Variants in KIF26B observed in about 807,000 individuals in gnomAD.
The protein encoded by KIF26B is kinesin family member 26B.
Under a neutral mutation model 151.2 loss-of-function variants are expected in KIF26B, and 63 were observed. That is an observed-to-expected ratio of 0.42 (90% CI 0.34 to 0.51). KIF26B has a LOEUF of 0.51. Among genes scored for constraint, KIF26B ranks in the 20% least tolerant of loss-of-function variants. The pLI is 0.07. For synonymous variants in KIF26B, 1,357 were observed against 1,262.1 expected, an observed-to-expected ratio of 1.08 and a Z score of -1.59; for missense variants, 2,813 against 2,913.6, an observed-to-expected ratio of 0.97 and a Z score of 0.79.
chr1:245,187,680 G>A lies in KIF26B; in HGVS notation c.465+30997G>A, dbSNP rs570423194. Among the ~76,000 whole-genome samples, 4 of 152,268 alleles carry A rather than the reference G, an allele frequency of 2.6e-5. No individual in the cohort carries two copies. In the East Asian group the frequency reaches 7.7e-4, roughly 29 times the overall value. ...GGAGAATGTGGATTGGAAGGCTCTTGGTGTTTCAGTTTTCTGAGTGGGTTT... is the reference window on the plus strand; with the variant it reads ...GGAGAATGTGGATTGGAAGGCTCTTAGTGTTTCAGTTTTCTGAGTGGGTTT... On this transcript the variant is annotated intron_variant, in intron 2 of 14. Transcript: ENST00000407071.
chr1:245,268,494 T>C (rs1405522836), intron 2 of KIF26B, among the ~76,000 whole-genome samples: 1 of 145,454 alleles, frequency 6.9e-6, no homozygotes, highest in Non-Finnish European at 1.5e-5. Flanking sequence ...ATAATAATAA[T>C]AATAATAATA....
chr1:245,496,616 GA>G (rs1458248257), intron 4 of KIF26B, among the ~76,000 whole-genome samples: 1 of 152,042 alleles, frequency 6.6e-6, no homozygotes, highest in Non-Finnish European at 1.5e-5. Flanking sequence ...AATAATTCAA[GA>G]AAGAAGAGGA....
chr1:245,685,776 G>A lies in KIF26B; in HGVS notation c.2793G>A (p.Glu931=). The change falls in exon 12 of 15, where the codon GAG becomes GAA. Residue 931 remains glutamate (E), a synonymous_variant. Transcript: ENST00000407071. ...GCAACACGTTTGCCGAGCTGCAGGA[G>A]AGGCTGGACTGCATCGACGGCAGCG... The part of the protein sequence containing the change: ...LKCNTFAELQ[E]RLDCIDGSEE... 1.2e-6 allele frequency: 2 copies of A among 1,611,604 alleles called. No individual in the cohort carries two copies. Among genetic ancestry groups the A allele is most frequent in the Non-Finnish European group, 1.7e-6 (2 of 1,178,844 alleles).
Position 245,156,424 on chromosome 1 carries a change from C to A in KIF26B, c.206C>A (p.Pro69Gln). 2 of 1,529,548 alleles carry A rather than the reference C, an allele frequency of 1.3e-6. No individual in the cohort carries two copies. The highest frequency in any genetic ancestry group is 8.8e-7 in the Non-Finnish European group (1 of 1,140,962). 94.7% of individuals were successfully genotyped at this position (1,529,548 alleles called of 1,614,324 possible). ...TCAGCGCTCGGCTCCTCGGGGACCC[C>A]GTCTCCCGGCTCGGGCACCTCGTCC... ...AGSALGSSGT[P>Q]SPGSGTSSPS... The change falls in exon 2 of 15, where the codon CCG becomes CAG. Residue 69 changes from proline to glutamine, a missense_variant. This residue lies in a region of KIF26B where 676 missense variants were observed against 688.1 expected (regional missense o/e 0.98). Transcript: ENST00000407071.
chr1:245,254,038 C>T (rs986538398), intron 2 of KIF26B, among the ~76,000 whole-genome samples: 47 of 152,028 alleles, frequency 3.1e-4, no homozygotes, highest in African/African-American at 9.2e-4. Flanking sequence ...TCTCGATCTC[C>T]TGACCTCGTA....
chr1:245,701,231 A>G (rs113862157), intron 14 of KIF26B, among the ~76,000 whole-genome samples: 4,175 of 152,302 alleles, frequency 0.027, 176 homozygotes, highest in African/African-American at 0.094. Context: ...AGATGAATTG[A>G]AAACAGTAAT....
At chr1:245,268,774 C>T (rs1331091856) in intron 2 of KIF26B, among the ~76,000 whole-genome samples, 2 of 152,128 alleles carry the variant, frequency 1.3e-5, no homozygotes, top group Non-Finnish European at 1.5e-5. Context: ...TTTGTTAATA[C>T]TGTATAATAA....
intron 4 of KIF26B, among the ~76,000 whole-genome samples, chr1:245,524,972 T>A (rs1428717216): frequency 6.6e-6 from 1 of 152,208 alleles, no homozygotes; most frequent in Non-Finnish European, 1.5e-5. Flanking sequence ...TAGCCACTTG[T>A]TCCGTCTTCC....
At position 245,685,422 on chromosome 1, in the gene KIF26B, C is replaced by T. The variant is rs376018469; in HGVS notation, c.2439C>T (p.Ser813=). The change falls in exon 12 of 15, where the codon TCC becomes TCT. Residue 813 remains serine (S), a synonymous_variant. Transcript: ENST00000407071. ...KKKTKYTSSS[S]GGESSCEEGR... ...ACTCACAGTACACATCCAGCTCGTC[C>T]GGCGGGGAGAGCTCCTGCGAAGAAG... 2.0e-5 allele frequency: 33 copies of T among 1,611,550 alleles called. No homozygotes were observed. The highest frequency in any genetic ancestry group is 1.5e-4 in the Admixed American group (9 of 59,858).
At chr1:245,538,136 G>C (rs886843322) in intron 4 of KIF26B, among the ~76,000 whole-genome samples, 1 of 152,174 alleles carries the variant, frequency 6.6e-6, no homozygotes, top group Non-Finnish European at 1.5e-5. Flanking sequence ...ATGGGGCTGA[G>C]AACCATTAAC....
At chr1:245,656,278 GCT>G (rs2044073313) in intron 10 of KIF26B, among the ~76,000 whole-genome samples, 1 of 152,142 alleles carries the variant, frequency 6.6e-6, no homozygotes, top group Non-Finnish European at 1.5e-5. Flanking sequence ...TGATTCTCAA[GCT>G]CTCTCCTCCT....
intron 5 of KIF26B, among the ~76,000 whole-genome samples, chr1:245,551,360 G>T (rs1661876240): frequency 6.6e-6 from 1 of 152,180 alleles, no homozygotes; most frequent in African/African-American, 2.4e-5. Context: ...AACATTTTAA[G>T]AAAATATTTT....
chr1:245,421,784 G>A (rs1287261090), intron 4 of KIF26B, among the ~76,000 whole-genome samples: 1 of 152,066 alleles, frequency 6.6e-6, no homozygotes, highest in Non-Finnish European at 1.5e-5. Flanking sequence ...GAGGAAACCA[G>A]CAGCGTCTTT....
At chr1:245,440,192 G>A (rs1659041150) in intron 4 of KIF26B, among the ~76,000 whole-genome samples, 1 of 151,756 alleles carries the variant, frequency 6.6e-6, no homozygotes, top group African/African-American at 2.4e-5. Flanking sequence ...CTGCACACCA[G>A]CCTGGGCGAC....
chr1:245,374,996 G>A (rs1203366547), intron 3 of KIF26B, among the ~76,000 whole-genome samples: 1 of 152,158 alleles, frequency 6.6e-6, no homozygotes, highest in African/African-American at 2.4e-5. Context: ...CCTAATCCCC[G>A]CAATCTGTGG....
intron 9 of KIF26B, among the ~76,000 whole-genome samples, chr1:245,640,122 G>GCTCCCTCTCTCTCTCTCTCTCT (rs1553299289): frequency 3.7e-5 from 2 of 53,972 alleles, no homozygotes; most frequent in Non-Finnish European, 7.1e-5. Context: ...ACTAATATTT[G>GCTCCCTCTCTCTCTCTCTCTCT]CTCTCTCTCT....
At chr1:245,558,068 C>T (rs1359503742) in intron 5 of KIF26B, among the ~76,000 whole-genome samples, 3 of 152,168 alleles carry the variant, frequency 2.0e-5, no homozygotes, top group African/African-American at 2.4e-5. Flanking sequence ...GGGTGATCAA[C>T]TACAGCCTCG....
intron 2 of KIF26B, among the ~76,000 whole-genome samples, chr1:245,316,861 G>GA (rs199765751): frequency 6.6e-6 from 1 of 152,132 alleles, no homozygotes; most frequent in South Asian, 2.1e-4. Context: ...ACCTTCAAGG[G>GA]ACAAAAACCT....
chr1:245,665,179 CCT>C (rs1297414216), intron 10 of KIF26B, among the ~76,000 whole-genome samples: 4 of 152,158 alleles, frequency 2.6e-5, no homozygotes, highest in Non-Finnish European at 5.9e-5. Flanking sequence ...TTCAGGGTCC[CCT>C]GTTTGCAAAT....
Sources: allele counts gnomAD v4.1 joint callset (sites outside exome capture counted in the v4.1 genomes callset), GRCh38; gene constraint gnomAD v4.1.1; regional missense constraint gnomAD v4.1.1; transcripts MANE v1.5; gene names NCBI Gene and HGNC (gene_info 2026-07-23, HGNC 2026-07-21).